Variants in WWOX observed in about 807,000 individuals in gnomAD.
The protein encoded by WWOX is WW domain containing oxidoreductase, also known as WW domain-containing oxidoreductase.
WWOX carries 69 observed loss-of-function variants against 46.2 expected under a neutral mutation model. The observed-to-expected ratio is 1.49, with a 90% CI of 1.23 to 1.82. The LOEUF (loss-of-function observed/expected upper bound fraction) is 1.82. Among genes scored for constraint, WWOX ranks in the 40% most tolerant of loss-of-function variants. The probability of loss-of-function intolerance (pLI) is 0.00; values close to 1 mark genes in which losing one functional copy is unlikely to be tolerated. For synonymous variants in WWOX, 359 were observed against 202.6 expected (o/e 1.77, Z -6.56); for missense variants, 919 against 542.6 (o/e 1.69, Z -6.89).
intron 8 of WWOX, among the ~76,000 whole-genome samples, chr16:78,676,546 A>G (rs1422895672): frequency 6.6e-6 from 1 of 152,228 alleles, no homozygotes; most frequent in East Asian, 1.9e-4. Context: ...TCTACAGTCT[A>G]AAATCATCAT....
chr16:78,238,460 C>T (rs2037515980), intron 5 of WWOX, among the ~76,000 whole-genome samples: 1 of 152,068 alleles, frequency 6.6e-6, no homozygotes, highest in Non-Finnish European at 1.5e-5. Context: ...CCACCATACC[C>T]AGCCAATTTT....
chr16:78,862,846 C>T (rs570148822), intron 8 of WWOX, among the ~76,000 whole-genome samples: 1 of 152,210 alleles, frequency 6.6e-6, no homozygotes, highest in African/African-American at 2.4e-5. Context: ...CGTTAATGTC[C>T]TCCAGAAACG....
chr16:78,567,679 C>G (rs955677219), intron 8 of WWOX, among the ~76,000 whole-genome samples: 1 of 151,680 alleles, frequency 6.6e-6, no homozygotes, highest in Non-Finnish European at 1.5e-5. Flanking sequence ...CAAAGAAGAA[C>G]CAACTGGCTG....
intron 8 of WWOX, among the ~76,000 whole-genome samples, chr16:78,593,770 G>C (rs960574114): frequency 2.0e-5 from 3 of 151,910 alleles, no homozygotes; most frequent in Non-Finnish European, 4.4e-5. Flanking sequence ...GATACACAAA[G>C]AGAATCAGAA....
intron 5 of WWOX, among the ~76,000 whole-genome samples, chr16:78,359,007 C>G (rs1369071928): frequency 1.3e-5 from 2 of 151,696 alleles, no homozygotes; most frequent in Non-Finnish European, 2.9e-5. Flanking sequence ...GGCACAGATT[C>G]TGTTTTCCAT....
intron 8 of WWOX, among the ~76,000 whole-genome samples, chr16:78,472,059 C>G (rs2084236210): frequency 1.3e-5 from 2 of 151,966 alleles, no homozygotes; most frequent in Admixed American, 1.3e-4. Flanking sequence ...GCCAATTTGC[C>G]CACACATTTT....
chr16:78,611,037 A>G (rs549254699), intron 8 of WWOX, among the ~76,000 whole-genome samples: 2 of 152,340 alleles, frequency 1.3e-5, no homozygotes, highest in South Asian at 2.1e-4. Context: ...ATGAAGAACA[A>G]TTTCAATCAT....
intron 3 of WWOX, among the ~76,000 whole-genome samples, chr16:78,113,539 G>C (rs895503506): frequency 3.3e-5 from 5 of 152,146 alleles, no homozygotes; most frequent in African/African-American, 7.2e-5. Flanking sequence ...AAGGGCTTTG[G>C]GGGGAACCTG....
intron 1 of WWOX, among the ~76,000 whole-genome samples, chr16:78,101,446 A>G (rs1447268491): frequency 1.4e-5 from 2 of 147,122 alleles, no homozygotes; most frequent in Non-Finnish European, 3.0e-5. Context: ...TGCCGAGTTC[A>G]AGCGATTCTC....
chr16:78,884,490 C>T, intron 8 of WWOX, among the ~76,000 whole-genome samples: 1 of 152,082 alleles, frequency 6.6e-6, no homozygotes, highest in African/African-American at 2.4e-5. Context: ...TAAATCCACA[C>T]AAGAGGAGAC....
chr16:78,944,729 C>A (rs891724184), intron 8 of WWOX, among the ~76,000 whole-genome samples: 5 of 152,284 alleles, frequency 3.3e-5, no homozygotes, highest in Admixed American at 6.5e-5. Context: ...CCTCCTAGGA[C>A]TGCACTGCTG....
chr16:78,295,074 G>C (rs762453816), intron 5 of WWOX, among the ~76,000 whole-genome samples: 1 of 152,140 alleles, frequency 6.6e-6, no homozygotes. Context: ...TTGTGGGGCC[G>C]CTGTAGGAGG....
chr16:78,317,349 C>T (rs1285132578), intron 5 of WWOX, among the ~76,000 whole-genome samples: 1 of 152,064 alleles, frequency 6.6e-6, no homozygotes, highest in Non-Finnish European at 1.5e-5. Flanking sequence ...GTTTCTTCCC[C>T]AGGGGTGATT....
chr16:78,317,034 A>G (rs1484382478), intron 5 of WWOX, among the ~76,000 whole-genome samples: 1 of 152,254 alleles, frequency 6.6e-6, no homozygotes, highest in African/African-American at 2.4e-5. Context: ...TAGAATCCAA[A>G]GGTGAAGCCT....
chr16:79,046,123 T>A (rs1259071882), intron 8 of WWOX, among the ~76,000 whole-genome samples: 3 of 152,172 alleles, frequency 2.0e-5, no homozygotes, highest in South Asian at 4.1e-4. Context: ...TTCTATATTG[T>A]AGGGATAATA....
At chr16:78,423,932 A>C (rs946888690) in intron 6 of WWOX, among the ~76,000 whole-genome samples, 1 of 151,842 alleles carries the variant, frequency 6.6e-6, no homozygotes, top group Non-Finnish European at 1.5e-5. Flanking sequence ...TCTTTATAAA[A>C]TGTTCATTTA....
chr16:78,507,994 G>A (rs904122833), intron 8 of WWOX, among the ~76,000 whole-genome samples: 52 of 6,790 alleles, frequency 7.7e-3, no homozygotes, highest in South Asian at 0.04. Flanking sequence ...TTTTGGTTGC[G>A]TGCGTGTGTG....
intron 2 of WWOX, among the ~76,000 whole-genome samples, chr16:78,108,812 A>T (rs2032314367): frequency 6.6e-6 from 1 of 152,228 alleles, no homozygotes; most frequent in Admixed American, 6.5e-5. Flanking sequence ...ACATGTTGAA[A>T]GCGCATCTCT....
chr16:78,879,478 C>G (rs1396521213), intron 8 of WWOX, among the ~76,000 whole-genome samples: 3 of 151,798 alleles, frequency 2.0e-5, no homozygotes, highest in Non-Finnish European at 2.9e-5. Context: ...CATGTAATAC[C>G]ACCCTGGTCT....
Sources: allele counts gnomAD v4.1 joint callset (sites outside exome capture counted in the v4.1 genomes callset), GRCh38; gene constraint gnomAD v4.1.1; transcripts MANE v1.5; gene names NCBI Gene and HGNC (gene_info 2026-07-23, HGNC 2026-07-21).